ZNF385D: variants seen among roughly 807,000 people sequenced by gnomAD.
The protein encoded by ZNF385D is zinc finger protein 385D, also known as zinc finger protein 659.
A neutral mutation model predicts 35.8 loss-of-function variants in ZNF385D; 15 were observed. The ratio of observed to expected loss-of-function variants is 0.42; its 90% CI spans 0.28 to 0.64. ZNF385D has a LOEUF of 0.64. ZNF385D is among the 30% of genes least tolerant of loss of function. The pLI is 0.23. For missense variants in ZNF385D, 474 were observed against 494.6 expected, an observed-to-expected ratio of 0.96 and a Z score of 0.39; for synonymous variants, 212 against 186.8, an observed-to-expected ratio of 1.13 and a Z score of -1.10.
chr3:22,046,579 A>C (rs1699019497), intron 3 of ZNF385D, among the ~76,000 whole-genome samples: 1 of 152,160 alleles, frequency 6.6e-6, no homozygotes, highest in South Asian at 2.1e-4. Flanking sequence ...AATATTAATG[A>C]AGCATCATTT....
intron 3 of ZNF385D, among the ~76,000 whole-genome samples, chr3:21,852,013 A>G (rs1360511358): frequency 6.6e-6 from 1 of 152,028 alleles, no homozygotes; most frequent in African/African-American, 2.4e-5. Context: ...ATGCTTCATG[A>G]CAGCAAAATC....
chr3:22,065,195 G>C (rs907775728), intron 3 of ZNF385D, among the ~76,000 whole-genome samples: 9 of 152,184 alleles, frequency 5.9e-5, no homozygotes, highest in Non-Finnish European at 7.3e-5. Context: ...AGAGTGTTGT[G>C]TGGCTATTCT....
chr3:22,228,639 A>G (rs1464962776), intron 2 of ZNF385D, among the ~76,000 whole-genome samples: 1 of 152,146 alleles, frequency 6.6e-6, no homozygotes, highest in Non-Finnish European at 1.5e-5. Flanking sequence ...ATTGGTTTGA[A>G]GGTTGCAAAG....
chr3:21,665,916 CTG>C (rs2125265331), intron 1 of ZNF385D, among the ~76,000 whole-genome samples: 1 of 152,296 alleles, frequency 6.6e-6, no homozygotes, highest in South Asian at 2.1e-4. Context: ...TCCTAGGAAA[CTG>C]TTAAAATATG....
chr3:21,757,710 A>C (rs369842897), intron 3 of ZNF385D, among the ~76,000 whole-genome samples: 1 of 152,216 alleles, frequency 6.6e-6, no homozygotes, highest in Non-Finnish European at 1.5e-5. Flanking sequence ...CAACATATAC[A>C]TTAGGATTTG....
intron 2 of ZNF385D, among the ~76,000 whole-genome samples, chr3:21,588,960 A>G (rs11921220): frequency 0.011 from 1,698 of 152,248 alleles, 26 homozygotes; most frequent in African/African-American, 0.039. Context: ...TGTGCTAGGC[A>G]TTTTTCTAGG....
intron 4 of ZNF385D, among the ~76,000 whole-genome samples, chr3:21,491,765 C>T (rs1448813782): frequency 6.6e-6 from 1 of 152,154 alleles, no homozygotes; most frequent in Admixed American, 6.6e-5. Context: ...ATACTTACTA[C>T]ATGATCCCTT....
chr3:22,181,996 A>G (rs1695311531), intron 2 of ZNF385D, among the ~76,000 whole-genome samples: 1 of 152,186 alleles, frequency 6.6e-6, no homozygotes, highest in African/African-American at 2.4e-5. Context: ...AAACAAACAT[A>G]TGAGTGAGGA....
rs866303216 is a variant in ZNF385D at position 22,130,480 on chromosome 3, T to G, written c.325+38337A>C. On this transcript the variant is annotated intron_variant, in intron 3 of 5. Transcript: ENST00000494108. The stretch of plus-strand genomic sequence containing the variant: ...CAGCTAGAACTCCAGTTCTGATAAC[T>G]GGGACGGATGATTTCCCCTTGGGTA... Among the ~76,000 whole-genome samples the G allele has an allele frequency of 2.6e-5, 4 of 152,180 alleles. No individual in the cohort carries two copies. In the South Asian group the frequency reaches 8.3e-4, roughly 32 times the overall value.
chr3:21,748,396 G>C (rs896531228), intron 1 of ZNF385D, among the ~76,000 whole-genome samples: 2 of 127,890 alleles, frequency 1.6e-5, no homozygotes, highest in African/African-American at 5.7e-5. Context: ...GGCTATTCAG[G>C]TAGTGATTCT....
chr3:21,472,853 G>A (rs1340731045), intron 4 of ZNF385D, among the ~76,000 whole-genome samples: 1 of 152,096 alleles, frequency 6.6e-6, no homozygotes, highest in Admixed American at 6.6e-5. Context: ...ACATTGCTGG[G>A]TAGAGTTATC....
At chr3:22,201,090 C>T (rs1016827790) in intron 2 of ZNF385D, among the ~76,000 whole-genome samples, 1 of 152,082 alleles carries the variant, frequency 6.6e-6, no homozygotes, top group Non-Finnish European at 1.5e-5. Context: ...TAGGAAATCA[C>T]AAGGGTATTG....
intron 2 of ZNF385D, among the ~76,000 whole-genome samples, chr3:22,188,928 G>C (rs1395238830): frequency 6.6e-6 from 1 of 152,030 alleles, no homozygotes; most frequent in Non-Finnish European, 1.5e-5. Context: ...TATCCAAATG[G>C]AATTAGAAAC....
chr3:21,765,381 T>C (rs1484886793), intron 3 of ZNF385D, among the ~76,000 whole-genome samples: 1 of 152,130 alleles, frequency 6.6e-6, no homozygotes, highest in Non-Finnish European at 1.5e-5. Flanking sequence ...GGGAAATGCT[T>C]ATTTCATATG....
chr3:21,617,873 CA>C lies in ZNF385D; in HGVS notation c.165+47012del, dbSNP rs1407961426. Reference sequence around the variant, plus strand: ...TCACCCCTAAGAAGTTGTGTGCAGCCAGGGAAGTTACTTTTAAGCTTTCTGT... The same window carrying C: ...TCACCCCTAAGAAGTTGTGTGCAGCCGGGAAGTTACTTTTAAGCTTTCTGT... On this transcript the variant is annotated intron_variant, in intron 2 of 7. Coordinates refer to ENST00000281523, the MANE Select transcript of ZNF385D (RefSeq NM_024697.3). Among the ~76,000 whole-genome samples, 4 of 152,140 alleles carry C rather than the reference CA, an allele frequency of 2.6e-5. 1 individual carries two copies. The South Asian group carries it at 8.3e-4, about 31-fold the overall frequency.
intron 3 of ZNF385D, among the ~76,000 whole-genome samples, chr3:22,048,386 A>G (rs1217231718): frequency 6.6e-6 from 1 of 152,142 alleles, no homozygotes; most frequent in African/African-American, 2.4e-5. Flanking sequence ...CAGGTCTTAT[A>G]TTTAAGTCTT....
rs1041538574 is a variant in ZNF385D, at chr3:21,412,586, G to A, written c.*8628C>T. 5 of 152,132 alleles carry A rather than the reference G, an allele frequency of 3.3e-5. No individual in the cohort carries two copies. The highest frequency in any genetic ancestry group is 1.2e-4 in the African/African-American group (5 of 41,548). 9.4% of individuals were successfully genotyped at this position (152,132 alleles called of 1,614,324 possible). ...AAGGACATGAACAGACCAATGTCTT[G>A]ACACCACTGGCAATATTACATTTAC... On this transcript the variant is annotated 3_prime_UTR_variant, in exon 8 of 8. Coordinates refer to ENST00000281523, the MANE Select transcript of ZNF385D (RefSeq NM_024697.3).
At chr3:22,336,925 A>AAAAAAAAAAAAC (rs1695192409) in intron 2 of ZNF385D, among the ~76,000 whole-genome samples, 1 of 146,240 alleles carries the variant, frequency 6.8e-6, no homozygotes. Flanking sequence ...AAAAAAAAAA[A>AAAAAAAAAAAAC]AAAAAAAAAA....
rs545906728 is a variant in ZNF385D, at chr3:21,748,910, G to A, written c.22+1985C>T. Among the ~76,000 whole-genome samples, 4 of 152,054 alleles carry A rather than the reference G, an allele frequency of 2.6e-5. No individual in the cohort carries two copies. In the East Asian group the frequency reaches 5.8e-4, roughly 22 times the overall value. On this transcript the variant is annotated intron_variant, in intron 1 of 7. Transcript: ENST00000281523. Reference sequence around the variant, plus strand: ...GTACTGCTCAATTCTTTTTGCCCTCGCTCTTGTACCACACATTTTTTTTTT... The same window carrying A: ...GTACTGCTCAATTCTTTTTGCCCTCACTCTTGTACCACACATTTTTTTTTT...
Sources: gnomAD v4.1 joint callset for allele counts (sites outside exome capture counted in the v4.1 genomes callset) on GRCh38, gnomAD v4.1.1 for gene constraint, MANE v1.5 for transcripts, NCBI Gene and HGNC (gene_info 2026-07-23, HGNC 2026-07-21) for gene names.